Variants in SCML4 observed in about 807,000 individuals in gnomAD.
SCML4 encodes sex comb on midleg-like protein 4.
Under a neutral mutation model 41.1 loss-of-function variants are expected in SCML4, and 34 were observed. The ratio of observed to expected loss-of-function variants is 0.83; its 90% CI spans 0.63 to 1.10. SCML4 has a LOEUF of 1.10. Ranked by LOEUF, SCML4 falls within the 50% of genes least tolerant of loss-of-function variation. SCML4 has a pLI of 0.00. For synonymous variants in SCML4, 214 were observed against 220.9 expected, an observed-to-expected ratio of 0.97 and a Z score of 0.28; for missense variants, 522 against 534.1, an observed-to-expected ratio of 0.98 and a Z score of 0.22.
intron 1 of SCML4, among the ~76,000 whole-genome samples, chr6:107,804,121 TG>T (rs1286452441): frequency 2.7e-5 from 4 of 150,472 alleles, no homozygotes; most frequent in African/African-American, 9.8e-5. Context: ...GTGGAGTCAC[TG>T]GGCATTTCTG....
intron 5 of SCML4, among the ~76,000 whole-genome samples, chr6:107,721,531 G>A (rs201957204): frequency 7.3e-5 from 11 of 150,232 alleles, no homozygotes; most frequent in Non-Finnish European, 1.0e-4. Context: ...CTCAAAAAAA[G>A]AAAAAAAAAA....
In SCML4 at chr6:107,720,315, A is replaced by C. The variant is rs1775237823; in HGVS notation, c.973+388T>G. 3 of 901,394 alleles carry C rather than the reference A, an allele frequency of 3.3e-6. No homozygotes were observed. In the African/African-American group the frequency reaches 5.4e-5, roughly 16 times the overall value. 55.8% of individuals were successfully genotyped at this position (901,394 alleles called of 1,614,324 possible). ...ACCTTCTTTCCCTTTCTATTCCCTA[A>C]TGCATGGGGCATGAAGGCTGTAGAG... On this transcript the variant is annotated intron_variant, in intron 6 of 7. Transcript: ENST00000369020.
At chr6:107,723,110 TGAAA>T (rs1002870722) in intron 5 of SCML4, among the ~76,000 whole-genome samples, 9 of 152,204 alleles carry the variant, frequency 5.9e-5, no homozygotes, top group East Asian at 3.9e-4. Flanking sequence ...AATGAAAACC[TGAAA>T]GAGAGGAAAT....
intron 1 of SCML4, among the ~76,000 whole-genome samples, chr6:107,777,362 C>T (rs1781041731): frequency 6.6e-6 from 1 of 152,136 alleles, no homozygotes; most frequent in Admixed American, 6.5e-5. Flanking sequence ...ATGATCTGCC[C>T]ACCTCGGCCT....
At chr6:107,756,139 T>C (rs9373969) in intron 2 of SCML4, among the ~76,000 whole-genome samples, 152,092 of 152,308 alleles carry the variant, frequency 1, 75,940 homozygotes, top group Middle Eastern at 1. Flanking sequence ...GTAGGTGAAG[T>C]GCAATTCCCT....
chr6:107,795,621 G>A (rs571360241), intron 1 of SCML4, among the ~76,000 whole-genome samples: 176 of 152,084 alleles, frequency 1.2e-3, no homozygotes, highest in Non-Finnish European at 2.2e-3. Flanking sequence ...TCCACTTCCC[G>A]GGTTCAAGTG....
At chr6:107,719,340 ATCT>A (rs1775141618) in intron 6 of SCML4, 1 of 152,396 alleles carries the variant, frequency 6.6e-6, no homozygotes. Flanking sequence ...GGCCACGCTC[ATCT>A]GGGTTGGATG....
intron 2 of SCML4, among the ~76,000 whole-genome samples, chr6:107,758,114 TAC>T: frequency 6.6e-6 from 1 of 152,356 alleles, no homozygotes; most frequent in Admixed American, 6.5e-5. Context: ...CTTGAGCACC[TAC>T]TATGTGCCAG....
chr6:107,716,905 C>G (rs954847787), intron 6 of SCML4, among the ~76,000 whole-genome samples: 2 of 152,046 alleles, frequency 1.3e-5, no homozygotes, highest in African/African-American at 4.8e-5. Flanking sequence ...CGTCTTCTCC[C>G]CACCCACTTC....
chr6:107,712,650 C>T (rs867600346), intron 6 of SCML4, among the ~76,000 whole-genome samples: 1 of 152,142 alleles, frequency 6.6e-6, no homozygotes, highest in Non-Finnish European at 1.5e-5. Flanking sequence ...GCCTAAGTCA[C>T]ACCTCGGGAG....
chr6:107,706,637 G>T (rs959106922), intron 7 of SCML4, among the ~76,000 whole-genome samples: 4 of 152,188 alleles, frequency 2.6e-5, no homozygotes, highest in African/African-American at 9.7e-5. Flanking sequence ...ATGGGATTAA[G>T]CTTGCTAATC....
At chr6:107,764,873 CCT>C (rs1448124516) in intron 2 of SCML4, among the ~76,000 whole-genome samples, 1 of 152,050 alleles carries the variant, frequency 6.6e-6, no homozygotes, top group Non-Finnish European at 1.5e-5. Context: ...ACGGGAAACC[CCT>C]TTCGCTTGAC....
At chr6:107,832,180 A>G in the SCML4 span, among the ~76,000 whole-genome samples, 2 of 152,190 alleles carry the variant, frequency 1.3e-5, no homozygotes, top group Non-Finnish European at 2.9e-5. Flanking sequence ...CAGAGGTTGC[A>G]GTGAGCAGAG....
At chr6:107,795,818 C>T (rs550324192) in intron 1 of SCML4, among the ~76,000 whole-genome samples, 19 of 152,300 alleles carry the variant, frequency 1.2e-4, no homozygotes, top group South Asian at 4.1e-4. Flanking sequence ...GGAGCCACCG[C>T]GCCCAGCCAG....
chr6:107,769,153 G>C (rs1361896229), intron 2 of SCML4, among the ~76,000 whole-genome samples: 1 of 152,196 alleles, frequency 6.6e-6, no homozygotes, highest in Non-Finnish European at 1.5e-5. Flanking sequence ...ACGACGTTCA[G>C]AGGTTTTGCT....
chr6:107,746,893 C>CGGAGACAG lies in SCML4; in HGVS notation c.287-12_287-5dup, dbSNP rs775684920. Reference sequence around the variant, plus strand: ...TGCTTGTTGATGTAGAGGCAGACTGCGGAGACAGAGGTCACAAAGCCCTCG... The same window carrying CGGAGACAG: ...TGCTTGTTGATGTAGAGGCAGACTGCGGAGACAGGGAGACAGAGGTCACAAAGCCCTCG... On this transcript the variant is annotated splice_region_variant and splice_polypyrimidine_tract_variant and intron_variant, in intron 3 of 7. Transcript: ENST00000369020. The CGGAGACAG allele has an allele frequency of 4.3e-4, 689 of 1,608,498 alleles. No individual in the cohort carries two copies. Among genetic ancestry groups the CGGAGACAG allele is most frequent in the Non-Finnish European group, 5.5e-4 (643 of 1,176,610 alleles).
At chr6:107,797,168 A>C (rs1782773471) in intron 1 of SCML4, among the ~76,000 whole-genome samples, 1 of 152,114 alleles carries the variant, frequency 6.6e-6, no homozygotes, top group Non-Finnish European at 1.5e-5. Flanking sequence ...TTTCCATATA[A>C]GTGCAAAAAA....
chr6:107,815,593 A>G (rs1237468526), intron 1 of SCML4, among the ~76,000 whole-genome samples: 1 of 152,174 alleles, frequency 6.6e-6, no homozygotes, highest in Non-Finnish European at 1.5e-5. Context: ...TCTGACTTCA[A>G]CTGCATTGGA....
intron 5 of SCML4, among the ~76,000 whole-genome samples, chr6:107,726,448 G>A (rs1054119155): frequency 2.0e-5 from 3 of 148,034 alleles, no homozygotes; most frequent in African/African-American, 5.0e-5. Flanking sequence ...CAGGAGAATG[G>A]CGTGAACCCG....
Sources: allele counts gnomAD v4.1 joint callset (sites outside exome capture counted in the v4.1 genomes callset), GRCh38; gene constraint gnomAD v4.1.1; transcripts MANE v1.5; gene names NCBI Gene and HGNC (gene_info 2026-07-23, HGNC 2026-07-21).